KIAA1755: variants seen among roughly 807,000 people sequenced by gnomAD.
The protein encoded by KIAA1755 is uncharacterized protein KIAA1755.
In KIAA1755, 68 loss-of-function variants were observed where a neutral mutation model predicts 91.7. That is an observed-to-expected ratio of 0.74 (90% CI 0.61 to 0.91). KIAA1755 has a LOEUF of 0.91. KIAA1755 is among the 40% of genes least tolerant of loss of function. The pLI is 0.00. For missense variants in KIAA1755, 1,535 were observed against 1,494.4 expected, an observed-to-expected ratio of 1.03 and a Z score of -0.45; for synonymous variants, 610 against 604.6, an observed-to-expected ratio of 1.01 and a Z score of -0.13.
chr20:38,211,430 A>T lies in KIAA1755; in HGVS notation c.*1612T>A, dbSNP rs759205986. ...AGGCAAACACTTTCAGCTTAATGAC[A>T]CTCCAGAGAGGCGCTGGCAGGGGCC... On this transcript the variant is annotated 3_prime_UTR_variant, in exon 14 of 14. Transcript: ENST00000279024. 1 of 151,988 alleles carries T rather than the reference A, an allele frequency of 6.6e-6. No individual in the cohort carries two copies. The highest frequency in any genetic ancestry group is 1.5e-5 in the Non-Finnish European group (1 of 68,008). 9.4% of individuals were successfully genotyped at this position (151,988 alleles called of 1,614,324 possible). A position where few individuals can be genotyped will look rare whatever the true frequency, so the allele number is the denominator to read the frequency against.
chr20:38,236,954 G>C (rs954057957), intron 4 of KIAA1755: 9 of 152,330 alleles, frequency 5.9e-5, no homozygotes, highest in Admixed American at 5.9e-4. Flanking sequence ...GTAGGAAGGA[G>C]AAGAGAATCT....
chr20:38,239,869 TTACTTCTA>T (rs2076023764), intron 3 of KIAA1755, 144 bp from the exon 4 acceptor site: 31 of 776,926 alleles, frequency 4.0e-5, no homozygotes, highest in Non-Finnish European at 6.5e-5. Flanking sequence ...GCTAAGCCCC[TTACTTCTA>T]GTGTTACCCC....
In KIAA1755 at chr20:38,227,682, G is replaced by C. The variant is rs138535520; in HGVS notation, c.1966-442C>G. ...CAGGCCACAGGGTTGGGTGTGGAGG[G>C]ACTCCTGAATCCACTGTAACTGAGA... On this transcript the variant is annotated intron_variant, in intron 6 of 13. Transcript: ENST00000279024. Among the ~76,000 whole-genome samples the C allele has an allele frequency of 5.5e-3, 838 of 152,342 alleles. 12 individuals carry two copies. The highest frequency in any genetic ancestry group is 0.019 in the African/African-American group (795 of 41,568).
At chr20:38,222,367 C>T in intron 10 of KIAA1755, 82 bp downstream of exon 10, 2 of 1,462,772 alleles carry the variant, frequency 1.4e-6, no homozygotes, top group South Asian at 1.3e-5. Flanking sequence ...GCTATGTGTG[C>T]CCTAGGTGGT....
At chr20:38,225,186 G>C (rs1320494771) in intron 8 of KIAA1755, among the ~76,000 whole-genome samples, 1 of 152,100 alleles carries the variant, frequency 6.6e-6, no homozygotes, top group African/African-American at 2.4e-5. Context: ...ATTTTTAGTA[G>C]ATATGAGGTT....
intron 1 of KIAA1755, among the ~76,000 whole-genome samples, chr20:38,250,489 T>TATTATTATTATTATTATG: frequency 1.4e-5 from 2 of 140,680 alleles, no homozygotes; most frequent in African/African-American, 5.2e-5. Flanking sequence ...ATTATTATGG[T>TATTATTATTATTATTATG]GTGTGTGTGT....
chr20:38,257,005 G>C (rs1483007260), intron 1 of KIAA1755, among the ~76,000 whole-genome samples: 2 of 152,068 alleles, frequency 1.3e-5, no homozygotes, highest in African/African-American at 4.8e-5. Context: ...TGCTTCCACT[G>C]CCCCACTCCC....
chr20:38,214,694 G>C (rs2075514037), intron 13 of KIAA1755, among the ~76,000 whole-genome samples: 1 of 152,168 alleles, frequency 6.6e-6, no homozygotes. Flanking sequence ...AGCCACACCA[G>C]GCCCGCAGGC....
rs771279668 is a variant in KIAA1755 at position 38,239,518 on chromosome 20, C to G, written c.1747+10G>C. ...CCTCCCTACCACCTCCTGCTTGAAT[C>G]CCCTGGAACCTGGCAGGCATGCTAT... On this transcript the variant is annotated intron_variant, in intron 4 of 13. Coordinates refer to ENST00000279024, the MANE Select transcript of KIAA1755 (RefSeq NM_001029864.2). 3 of 1,613,204 alleles carry G rather than the reference C, an allele frequency of 1.9e-6. No homozygotes were observed. Among genetic ancestry groups the G allele is most frequent in the East Asian group, 2.2e-5 (1 of 44,824 alleles).
rs1180438391 is a variant in KIAA1755, at chr20:38,213,012, G to C, written c.*30C>G. 1.3e-6 allele frequency: 2 copies of C among 1,508,742 alleles called. No individual in the cohort carries two copies. Among genetic ancestry groups the C allele is most frequent in the East Asian group, 2.3e-5 (1 of 43,936 alleles). The allele number at this position is 1,508,742 out of a possible 1,614,324, so 93.5% of individuals were successfully genotyped here. A position where few individuals can be genotyped will look rare whatever the true frequency, so the allele number is the denominator to read the frequency against. ...GCTGGGCCCTGGCCCAGTGCTCCTG[G>C]AGGCTGGTGCGACTGAAGGGGCCTC... On this transcript the variant is annotated 3_prime_UTR_variant, in exon 14 of 14. Coordinates refer to ENST00000279024, the MANE Select transcript of KIAA1755 (RefSeq NM_001029864.2).
At chr20:38,259,270 C>T (rs1326722966) in intron 1 of KIAA1755, among the ~76,000 whole-genome samples, 4 of 152,072 alleles carry the variant, frequency 2.6e-5, no homozygotes, top group African/African-American at 7.2e-5. Context: ...CACCTGTCCC[C>T]GCAGTGCATG....
intron 1 of KIAA1755, 150 bp downstream of exon 1, chr20:38,260,348 T>C (rs1159399543): frequency 6.4e-7 from 1 of 1,573,544 alleles, no homozygotes. Context: ...CCTGCTGGGG[T>C]GGAAGCAGGT....
chr20:38,248,296 GC>G (rs1039899501), intron 1 of KIAA1755, among the ~76,000 whole-genome samples: 17 of 152,304 alleles, frequency 1.1e-4, no homozygotes, highest in African/African-American at 3.4e-4. Flanking sequence ...GATGTTGCTG[GC>G]TTGGAACATA....
rs772819694 is a variant in KIAA1755, at chr20:38,222,475, G to A, written c.2391C>T (p.Ser797=). The change falls in exon 10 of 14, where the codon AGC becomes AGT. Residue 797 remains serine (S), a synonymous_variant. Transcript: ENST00000279024. ...TGACATCAGGGCTGAAGTCCAGCCT[G>A]CTGGCATCATGCTGCAGCCTGGCCA... ...ATLARLQHDA[S]RLDFSPDVRS... The A allele has an allele frequency of 6.2e-7, 1 of 1,613,510 alleles. No homozygotes were observed. Among genetic ancestry groups the A allele is most frequent in the Non-Finnish European group, 8.5e-7 (1 of 1,179,992 alleles).
intron 4 of KIAA1755, 32 bp from the exon 5 acceptor site, chr20:38,231,357 G>A: frequency 6.3e-7 from 1 of 1,581,420 alleles, no homozygotes; most frequent in Non-Finnish European, 8.6e-7. Flanking sequence ...TGAGCAGTGA[G>A]AACTTGTGGG....
At chr20:38,220,539 CCT>C (rs1370153903) in intron 10 of KIAA1755, among the ~76,000 whole-genome samples, 5 of 152,100 alleles carry the variant, frequency 3.3e-5, no homozygotes, top group Admixed American at 1.3e-4. Flanking sequence ...GTCTTGAACT[CCT>C]GACTTCAGGT....
chr20:38,246,088 C>T lies in KIAA1755; in HGVS notation c.42G>A (p.Leu14=). The change falls in exon 2 of 14, where the codon CTG becomes CTA. Residue 14 remains leucine, a synonymous_variant. Transcript: ENST00000279024. ...CCTCGAAAGGAGGATAGAGGCCCGCCAGGGCATGCTGGATGGCTGTGTCGA... is the reference window on the plus strand; with the variant it reads ...CCTCGAAAGGAGGATAGAGGCCCGCTAGGGCATGCTGGATGGCTGTGTCGA... ...PSLDTAIQHA[L]AGLYPPFEAT... 3 of 1,613,954 alleles carry T rather than the reference C, an allele frequency of 1.9e-6. No homozygotes were observed. Among genetic ancestry groups the T allele is most frequent in the Non-Finnish European group, 2.5e-6 (3 of 1,179,996 alleles).
rs115598843 is a variant in KIAA1755, at chr20:38,224,760, C to T, written c.2169+905G>A. The stretch of plus-strand genomic sequence containing the variant: ...GGCGGGCATTGATGGGCATCGGTTT[C>T]GGTGTGGTTTAAGCCCACCGAAAGG... On this transcript the variant is annotated intron_variant, in intron 8 of 13. Transcript: ENST00000279024. Among the ~76,000 whole-genome samples, 221 of 152,226 alleles carry T rather than the reference C, an allele frequency of 1.5e-3. 1 individual carries two copies. Among genetic ancestry groups the T allele is most frequent in the African/African-American group, 4.8e-3 (201 of 41,536 alleles).
intron 1 of KIAA1755, among the ~76,000 whole-genome samples, chr20:38,256,627 G>A (rs1276068364): frequency 1.3e-5 from 2 of 152,004 alleles, no homozygotes; most frequent in African/African-American, 4.8e-5. Flanking sequence ...AACAGAGGGA[G>A]GCCCTATCTC....
Sources: gnomAD v4.1 joint callset for allele counts (sites outside exome capture counted in the v4.1 genomes callset) on GRCh38, gnomAD v4.1.1 for gene constraint, MANE v1.5 for transcripts, NCBI Gene and HGNC (gene_info 2026-07-23, HGNC 2026-07-21) for gene names.